CDC14B: variants seen among roughly 807,000 people sequenced by gnomAD.
CDC14B encodes the protein cell division cycle 14B.
In CDC14B, 22 loss-of-function variants were observed where a neutral mutation model predicts 64.2. That is an observed-to-expected ratio of 0.34 (90% CI 0.24 to 0.49). The LOEUF (loss-of-function observed/expected upper bound fraction) is 0.49, where lower values mean the gene tolerates loss of function less well. Among genes scored for constraint, CDC14B ranks in the 20% least tolerant of loss-of-function variants. The pLI is 0.99. For synonymous variants in CDC14B, 191 were observed against 215.8 expected (o/e 0.89, Z 1.01); for missense variants, 498 against 629.9 (o/e 0.79, Z 2.24).
At position 96,606,527 on chromosome 9, in the gene CDC14B, TTGTGTGTGTGTGTGTGTG is replaced by T. The variant is rs376059971; in HGVS notation, c.160+12674_160+12691del. On this transcript the variant is annotated intron_variant, in intron 1 of 13. Coordinates refer to ENST00000375241, the MANE Select transcript of CDC14B (RefSeq NM_033331.4). ...ATGAGATCTCATCTCTACTAAAAGT[TTGTGTGTGTGTGTGTGTG>T]TGTGTGTGTGTGTGTGTGTGTGTGT... 7.0e-3 allele frequency among the ~76,000 whole-genome samples: 792 copies of T among 112,852 alleles called. 6 individuals are homozygous for T. Among genetic ancestry groups the T allele is most frequent in the African/African-American group, 0.017 (511 of 30,214 alleles). The allele number at this position is 112,852 out of a possible 152,430, so 74.0% of individuals were successfully genotyped here.
intron 13 of CDC14B, among the ~76,000 whole-genome samples, chr9:96,506,148 G>A (rs1336249051): frequency 6.6e-6 from 1 of 152,160 alleles, no homozygotes; most frequent in Non-Finnish European, 1.5e-5. Context: ...AACCTGCTAC[G>A]TTGCAGGTAG....
At position 96,523,817 on chromosome 9, in the gene CDC14B, T is replaced by C. The variant is rs1837151558; in HGVS notation, c.947-92A>G. 1.2e-5 allele frequency: 15 copies of C among 1,299,412 alleles called. No individual in the cohort carries two copies. The South Asian group carries it at 2.0e-4, about 17-fold the overall frequency. The allele number at this position is 1,299,412 out of a possible 1,614,324, so 80.5% of individuals were successfully genotyped here. A position where few individuals can be genotyped will look rare whatever the true frequency, so the allele number is the denominator to read the frequency against. The stretch of plus-strand genomic sequence containing the variant: ...CAGAATTTTTTTAAAAGGCTTCTCA[T>C]GACTCTGCTTCTTTCAATAGTGGTT... On this transcript the variant is annotated intron_variant, in intron 9 of 13. Transcript: ENST00000375241.
In CDC14B at chr9:96,515,432, C is replaced by A. The variant is rs148450671; in HGVS notation, c.1344-5643G>T. Among the ~76,000 whole-genome samples, 1 of 152,170 alleles carries A rather than the reference C, an allele frequency of 6.6e-6. No individual in the cohort carries two copies. The highest frequency in any genetic ancestry group is 1.5e-5 in the Non-Finnish European group (1 of 68,040). On this transcript the variant is annotated intron_variant, in intron 12 of 13. Transcript: ENST00000375241. This position sits in a 1 kb window ranked among gnomAD's most constrained non-coding sequence, Gnocchi z 4.3. ...AAGGATAAGCATAACTTTAAAACAA[C>A]GTATGTTACTTTCAATATCCTTTCT...
At chr9:96,579,254 T>C (rs1389802313) in intron 1 of CDC14B, among the ~76,000 whole-genome samples, 3 of 152,036 alleles carry the variant, frequency 2.0e-5, no homozygotes, top group African/African-American at 7.2e-5. Context: ...GAAATCAAGG[T>C]TAAATGAGGT....
At chr9:96,559,035 T>C (rs1842833399) in intron 4 of CDC14B, among the ~76,000 whole-genome samples, 1 of 152,248 alleles carries the variant, frequency 6.6e-6, no homozygotes, top group Non-Finnish European at 1.5e-5. Context: ...CTCACTCTTC[T>C]CACTTCTTGT....
chr9:96,535,865 G>A (rs972420021), intron 7 of CDC14B, among the ~76,000 whole-genome samples: 8 of 152,126 alleles, frequency 5.3e-5, no homozygotes, highest in Non-Finnish European at 4.4e-5. Flanking sequence ...CTTAAGCCCA[G>A]GAATTTGAGT....
intron 1 of CDC14B, among the ~76,000 whole-genome samples, chr9:96,583,209 C>T (rs1189911818): frequency 1.3e-5 from 2 of 152,040 alleles, no homozygotes; most frequent in African/African-American, 4.8e-5. Flanking sequence ...AAATTAGTGA[C>T]TATCCACATA....
intron 1 of CDC14B, among the ~76,000 whole-genome samples, chr9:96,566,089 G>T (rs1564353632): frequency 6.6e-6 from 1 of 152,070 alleles, no homozygotes; most frequent in Non-Finnish European, 1.5e-5. Context: ...CTGCATGATG[G>T]GTCTGAGATG....
intron 4 of CDC14B, among the ~76,000 whole-genome samples, chr9:96,554,091 G>A (rs1267345906): frequency 6.6e-6 from 1 of 152,124 alleles, no homozygotes. Flanking sequence ...TTGAACCCAG[G>A]AGGCGGAGGT....
chr9:96,575,014 T>C (rs547789443), intron 1 of CDC14B, among the ~76,000 whole-genome samples: 2 of 152,342 alleles, frequency 1.3e-5, no homozygotes, highest in South Asian at 2.1e-4. Flanking sequence ...CTATGATGAA[T>C]TGAGTTTATT....
intron 1 of CDC14B, among the ~76,000 whole-genome samples, chr9:96,596,367 A>G (rs1369772311): frequency 6.7e-6 from 1 of 150,048 alleles, no homozygotes; most frequent in Non-Finnish European, 1.5e-5. Flanking sequence ...TCCATCTCAA[A>G]AAAAAAAAAA....
At chr9:96,612,938 T>A (rs1247184373) in intron 1 of CDC14B, among the ~76,000 whole-genome samples, 2 of 152,234 alleles carry the variant, frequency 1.3e-5, no homozygotes, top group Non-Finnish European at 2.9e-5. Flanking sequence ...AAGACCTGAA[T>A]GATGTACTTG....
Position 96,515,747 on chromosome 9 carries a change from G to A in CDC14B, c.1344-5958C>T. ...GAATGTAGTCACAAACAATCCACCA[G>A]ATGACAACACTACACAGTGCAGAGG... On this transcript the variant is annotated intron_variant, in intron 12 of 13. Coordinates refer to ENST00000375241, the MANE Select transcript of CDC14B (RefSeq NM_033331.4). The surrounding 1 kb of genome is among the most constrained non-coding windows in gnomAD (Gnocchi z 4.3). The A allele has an allele frequency of 6.2e-7, 1 of 1,606,898 alleles. No individual in the cohort carries two copies. Among genetic ancestry groups the A allele is most frequent in the South Asian group, 1.1e-5 (1 of 89,540 alleles).
intron 9 of CDC14B, 69 bp from the exon 10 acceptor site, chr9:96,523,794 G>T: frequency 6.5e-7 from 1 of 1,536,004 alleles, no homozygotes; most frequent in Non-Finnish European, 8.9e-7. Flanking sequence ...TGGGCAGGCA[G>T]AATTTTTTTA....
intron 1 of CDC14B, chr9:96,566,853 G>A (rs760417167): frequency 6.3e-7 from 1 of 1,589,422 alleles, no homozygotes; most frequent in Non-Finnish European, 8.6e-7. Flanking sequence ...CAGAGGCAAG[G>A]ACTGCCAGCC....
Position 96,565,444 on chromosome 9 carries a change from C to T in CDC14B, c.200G>A (p.Ser67Asn). 4 of 1,612,292 alleles carry T rather than the reference C, an allele frequency of 2.5e-6. No individual in the cohort carries two copies. The highest frequency in any genetic ancestry group is 3.4e-6 in the Non-Finnish European group (4 of 1,178,456). ...GCTGAAATAATGTACATTTGATGCA[C>T]TCTTTGGTCTGCTGTAGAGAATGGC... ...CFAILYSRPKSASNVHYFSID... is the reference protein window; with the variant it reads ...CFAILYSRPKNASNVHYFSID... The change falls in exon 2 of 14, where the codon AGT (serine) becomes AAT (asparagine). Residue 67 changes from serine (S) to asparagine (N), a missense_variant. Physicochemically the swap from Ser to Asn is conservative, Grantham distance 46. Coordinates refer to ENST00000375241, the MANE Select transcript of CDC14B (RefSeq NM_033331.4).
exon 14 of CDC14B, chr9:96,492,260 C>G (rs1040591124): frequency 6.6e-6 from 1 of 152,282 alleles, no homozygotes; most frequent in Admixed American, 6.5e-5. Flanking sequence ...ATAGCCAAGC[C>G]CAGGCTGGAC....
chr9:96,546,785 G>A (rs993923147), intron 5 of CDC14B, among the ~76,000 whole-genome samples: 2 of 151,568 alleles, frequency 1.3e-5, no homozygotes, highest in Non-Finnish European at 2.9e-5. Flanking sequence ...GTAAATGGCC[G>A]GGCTCGGTGG....
chr9:96,525,052 A>G (rs1394795516), intron 9 of CDC14B, among the ~76,000 whole-genome samples: 1 of 152,224 alleles, frequency 6.6e-6, no homozygotes, highest in Non-Finnish European at 1.5e-5. Context: ...TGTAAAATGC[A>G]AAAGGAAAAA....
Sources: gnomAD v4.1 joint callset for allele counts (sites outside exome capture counted in the v4.1 genomes callset) on GRCh38, gnomAD v4.1.1 for gene constraint, Gnocchi (gnomAD v3.1) non-coding constraint, MANE v1.5 for transcripts, NCBI Gene and HGNC (gene_info 2026-07-23, HGNC 2026-07-21) for gene names.